PRKCA: variants seen among roughly 807,000 people sequenced by gnomAD.
PRKCA encodes the protein protein kinase C alpha, also known as protein kinase C alpha type.
PRKCA carries 27 observed loss-of-function variants against 87.0 expected under a neutral mutation model. The ratio of observed to expected loss-of-function variants is 0.31; its 90% CI spans 0.23 to 0.43. The LOEUF is 0.43. PRKCA is among the 20% of genes least tolerant of loss of function. The pLI, the probability that PRKCA is intolerant of heterozygous loss-of-function variation, is 1.00. For missense variants in PRKCA, 518 were observed against 852.3 expected (o/e 0.61, Z 4.88); for synonymous variants, 329 against 311.1 (o/e 1.06, Z -0.61).
intron 2 of PRKCA, among the ~76,000 whole-genome samples, chr17:66,387,172 A>T (rs748526008): frequency 3.3e-5 from 5 of 152,216 alleles, no homozygotes; most frequent in Non-Finnish European, 7.3e-5. Context: ...TCCTAGATTA[A>T]TGTTCCTTTT....
chr17:66,305,125 A>G (rs1474957967), intron 1 of PRKCA, among the ~76,000 whole-genome samples: 1 of 152,100 alleles, frequency 6.6e-6, no homozygotes, highest in Non-Finnish European at 1.5e-5. Context: ...AAACCAACCA[A>G]TTGGAAGTCC....
intron 16 of PRKCA, among the ~76,000 whole-genome samples, chr17:66,801,956 C>T (rs375199054): frequency 4.6e-5 from 7 of 152,156 alleles, no homozygotes; most frequent in East Asian, 3.9e-4. Context: ...CGCGGTGGCT[C>T]ACACCTGTAA....
Position 66,397,667 on chromosome 17 carries a change from T to C in PRKCA, c.205+91540T>C, listed in dbSNP as rs193283752. On this transcript the variant is annotated intron_variant, in intron 2 of 16. Coordinates refer to ENST00000413366, the MANE Select transcript of PRKCA (RefSeq NM_002737.3). ...AGTTCAGCACTAGTTTTGTGACTTA[T>C]TACACAGAAGACTTGAATACATCAA... 4.2e-4 allele frequency among the ~76,000 whole-genome samples: 64 copies of C among 152,234 alleles called. 1 individual carries two copies. Among genetic ancestry groups the C allele is most frequent in the Middle Eastern group, 3.4e-3 (1 of 294 alleles).
At chr17:66,796,325 G>C (rs1975667714) in intron 16 of PRKCA, 1 of 527,964 alleles carries the variant, frequency 1.9e-6, no homozygotes, top group South Asian at 8.2e-5. Flanking sequence ...TCCGACAGGT[G>C]TTTCCGCATC....
intron 8 of PRKCA, among the ~76,000 whole-genome samples, chr17:66,719,038 G>A (rs564995050): frequency 6.6e-6 from 1 of 152,072 alleles, no homozygotes. Context: ...GGGCACAAGG[G>A]TACTTGTTTG....
chr17:66,611,911 A>G (rs748743856), intron 3 of PRKCA, among the ~76,000 whole-genome samples: 2 of 152,120 alleles, frequency 1.3e-5, no homozygotes, highest in Admixed American at 6.5e-5. Flanking sequence ...GCGTTTCCCT[A>G]TGGCTAATGA....
In PRKCA at chr17:66,689,831, G is replaced by C. The variant is rs1380269915; in HGVS notation, c.918+784G>C. Among the ~76,000 whole-genome samples, 3 of 152,186 alleles carry C rather than the reference G, an allele frequency of 2.0e-5. No individual in the cohort carries two copies. The highest frequency in any genetic ancestry group is 6.5e-5 in the Admixed American group (1 of 15,282). On this transcript the variant is annotated intron_variant, in intron 8 of 16. Coordinates refer to ENST00000413366, the MANE Select transcript of PRKCA (RefSeq NM_002737.3). This position sits in a 1 kb window ranked among gnomAD's most constrained non-coding sequence, Gnocchi z 4.1. Reference sequence around the variant, plus strand: ...ATTTTGGCTGTTCGAGGGACTCCTAGAGTAGCCTTTTCAGTCTGTGTAACT... The same window carrying C: ...ATTTTGGCTGTTCGAGGGACTCCTACAGTAGCCTTTTCAGTCTGTGTAACT...
chr17:66,363,760 T>C (rs1328974877), intron 2 of PRKCA, among the ~76,000 whole-genome samples: 1 of 152,196 alleles, frequency 6.6e-6, no homozygotes, highest in East Asian at 1.9e-4. Context: ...TGGAGTGCAG[T>C]GGCACGATCT....
At chr17:66,503,317 G>A (rs943521819) in intron 3 of PRKCA, among the ~76,000 whole-genome samples, 3 of 152,110 alleles carry the variant, frequency 2.0e-5, no homozygotes, top group African/African-American at 7.2e-5. Context: ...ACAGAATTCA[G>A]GTGACTTCGC....
intron 5 of PRKCA, 149 bp downstream of exon 5, chr17:66,645,660 C>G (rs532132466): frequency 1.7e-6 from 2 of 1,177,980 alleles, no homozygotes; most frequent in East Asian, 4.7e-5. Context: ...TCTCAGAGCC[C>G]TCCAGCCCTC....
intron 9 of PRKCA, among the ~76,000 whole-genome samples, chr17:66,734,493 CA>C (rs1973977089): frequency 6.6e-6 from 1 of 152,156 alleles, no homozygotes; most frequent in South Asian, 2.1e-4. Flanking sequence ...AGTGTCTTTT[CA>C]CATGCTAATA....
intron 2 of PRKCA, among the ~76,000 whole-genome samples, chr17:66,433,618 C>T (rs970867500): frequency 1.3e-5 from 2 of 152,076 alleles, no homozygotes; most frequent in African/African-American, 4.8e-5. Flanking sequence ...TCTCTCAGCT[C>T]ACTGCAACCT....
At chr17:66,757,222 GA>G (rs34461648) in intron 13 of PRKCA, among the ~76,000 whole-genome samples, 38,179 of 130,204 alleles carry the variant, frequency 0.29, 4,885 homozygotes, top group East Asian at 0.55. Flanking sequence ...AGCAAAGACT[GA>G]AAAAAAAAAA....
chr17:66,638,263 G>A (rs1157518626), intron 3 of PRKCA: 3 of 151,952 alleles, frequency 2.0e-5, no homozygotes, highest in East Asian at 1.9e-4. Context: ...TGGTCACATC[G>A]TAGGTCTGTG....
At chr17:66,622,290 G>A (rs1045230099) in intron 3 of PRKCA, among the ~76,000 whole-genome samples, 3 of 152,200 alleles carry the variant, frequency 2.0e-5, no homozygotes, top group African/African-American at 7.2e-5. Flanking sequence ...TTGTTTGCAA[G>A]CAATGACCTT....
intron 2 of PRKCA, among the ~76,000 whole-genome samples, chr17:66,373,539 G>A (rs190569015): frequency 6.6e-6 from 1 of 152,336 alleles, no homozygotes; most frequent in African/African-American, 2.4e-5. Flanking sequence ...AGTTGTAGGA[G>A]TTTGGTGATT....
chr17:66,717,397 A>T (rs1356748545), intron 8 of PRKCA, among the ~76,000 whole-genome samples: 1 of 152,186 alleles, frequency 6.6e-6, no homozygotes, highest in Non-Finnish European at 1.5e-5. Flanking sequence ...CTCACCCTCG[A>T]TGTAGGAGGA....
chr17:66,379,263 A>G (rs908067380), intron 2 of PRKCA, among the ~76,000 whole-genome samples: 5 of 152,188 alleles, frequency 3.3e-5, no homozygotes, highest in African/African-American at 1.2e-4. Context: ...CCATTTTACA[A>G]TCCTACCAGC....
chr17:66,623,874 G>A (rs550063861), intron 3 of PRKCA, among the ~76,000 whole-genome samples: 2 of 152,184 alleles, frequency 1.3e-5, no homozygotes, highest in South Asian at 2.1e-4. Context: ...GCTCCAGGCT[G>A]ATGGACAGCA....
Sources: gnomAD v4.1 joint callset for allele counts (sites outside exome capture counted in the v4.1 genomes callset) on GRCh38, gnomAD v4.1.1 for gene constraint, Gnocchi (gnomAD v3.1) non-coding constraint, MANE v1.5 for transcripts, NCBI Gene and HGNC (gene_info 2026-07-23, HGNC 2026-07-21) for gene names.